CASD1: variants seen among roughly 807,000 people sequenced by gnomAD.
CASD1 encodes the protein N-acetylneuraminate (7)9-O-acetyltransferase.
Under a neutral mutation model 100.0 loss-of-function variants are expected in CASD1, and 41 were observed. The ratio of observed to expected loss-of-function variants is 0.41; its 90% CI spans 0.32 to 0.53. The LOEUF is 0.53. CASD1 is among the 20% of genes least tolerant of loss of function. CASD1 has a pLI of 0.25. For missense variants in CASD1, 774 were observed against 948.7 expected (o/e 0.82, Z 2.42); for synonymous variants, 321 against 315.6 (o/e 1.02, Z -0.18).
At chr7:94,531,446 T>A (rs762621892) in intron 5 of CASD1, among the ~76,000 whole-genome samples, 1 of 152,106 alleles carries the variant, frequency 6.6e-6, no homozygotes, top group Non-Finnish European at 1.5e-5. Flanking sequence ...CTATGAAGTT[T>A]GAGAATTAAA....
the CASD1 span, among the ~76,000 whole-genome samples, chr7:94,578,752 A>C: frequency 1.3e-5 from 2 of 152,132 alleles, no homozygotes; most frequent in African/African-American, 2.4e-5. Context: ...AAAAAATGTA[A>C]AGTTGCTAGA....
the CASD1 span, chr7:94,629,173 G>A: frequency 1.3e-5 from 2 of 152,032 alleles, no homozygotes; most frequent in East Asian, 3.8e-4. Context: ...TTAACTTGAT[G>A]GCATTTATGA....
chr7:94,561,519 T>G (rs1796339814), downstream of CASD1, among the ~76,000 whole-genome samples: 2 of 152,142 alleles, frequency 1.3e-5, no homozygotes, highest in South Asian at 4.1e-4. Flanking sequence ...TTTTCCAAAC[T>G]AAAATTAATT....
At chr7:94,614,107 CAAAAAAAAAAAAAA>C in the CASD1 span, among the ~76,000 whole-genome samples, 1 of 94,964 alleles carries the variant, frequency 1.1e-5, no homozygotes, top group Non-Finnish European at 2.0e-5. Flanking sequence ...AAATTGAAAT[CAAAAAAAAAAAAAA>C]AAAAAAAAAC....
Position 94,510,048 on chromosome 7 carries a change from C to T in CASD1, c.-37C>T. ...GCTGCCCCTGTGCGGCGCCCCTTTC[C>T]CGCTCCGCCGCGCACTGTTGTCATG... On this transcript the variant is annotated 5_prime_UTR_variant, in exon 1 of 18. Coordinates refer to ENST00000297273, the MANE Select transcript of CASD1 (RefSeq NM_022900.5). 6.8e-7 allele frequency: 1 copy of T among 1,474,956 alleles called. No individual in the cohort carries two copies. The highest frequency in any genetic ancestry group is 9.0e-7 in the Non-Finnish European group (1 of 1,105,108). The allele number at this position is 1,474,956 out of a possible 1,614,324, so 91.4% of individuals were successfully genotyped here.
the CASD1 span, among the ~76,000 whole-genome samples, chr7:94,609,962 C>T: frequency 6.6e-6 from 1 of 152,144 alleles, no homozygotes; most frequent in Admixed American, 6.5e-5. Context: ...ACCAAGATGT[C>T]CTCCAGTAGG....
chr7:94,597,408 ATTAT>A, the CASD1 span: 10 of 152,286 alleles, frequency 6.6e-5, no homozygotes, highest in Non-Finnish European at 1.3e-4. Flanking sequence ...TATATTAATT[ATTAT>A]TTAATCTTCA....
the CASD1 span, chr7:94,588,574 A>G: frequency 6.5e-7 from 1 of 1,539,670 alleles, no homozygotes; most frequent in African/African-American, 1.4e-5. Flanking sequence ...GGAATGACAC[A>G]AGTGTTTTGC....
the CASD1 span, chr7:94,623,609 T>C: frequency 2.0e-6 from 1 of 512,614 alleles, no homozygotes; most frequent in East Asian, 3.0e-5. Context: ...TTTAATATAC[T>C]GAAACAAAAA....
the CASD1 span, chr7:94,623,799 A>T: frequency 2.6e-6 from 1 of 378,932 alleles, no homozygotes; most frequent in Non-Finnish European, 4.7e-6. Flanking sequence ...TGAAAAGTAC[A>T]CTTTAAAACA....
chr7:94,623,207 T>G, the CASD1 span: 2 of 604,256 alleles, frequency 3.3e-6, no homozygotes, highest in Non-Finnish European at 5.8e-6. Context: ...TCTTATTATT[T>G]CATCAGTTAT....
the CASD1 span, among the ~76,000 whole-genome samples, chr7:94,615,368 AGATAGATAGAT>A: frequency 6.0e-4 from 1 of 1,662 alleles, no homozygotes; most frequent in Admixed American, 5.7e-3. Context: ...CAAAATAAAT[AGATAGATAGAT>A]AGATAGATAG....
chr7:94,521,943 G>A lies in CASD1; in HGVS notation c.351+3620G>A, dbSNP rs377616373. ...TACTAAAAACACAAAAAATTAGCTG[G>A]GCATGATGGTGGGCACCTGTAGTCC... is the stretch of plus-strand genomic sequence containing the variant. On this transcript the variant is annotated intron_variant, in intron 3 of 17. Transcript: ENST00000297273. 1.3e-4 allele frequency among the ~76,000 whole-genome samples: 20 copies of A among 152,250 alleles called. 2 individuals are homozygous for A. The South Asian group carries it at 3.7e-3, about 28-fold the overall frequency.
chr7:94,563,955 G>A, the CASD1 span, among the ~76,000 whole-genome samples: 2 of 152,098 alleles, frequency 1.3e-5, no homozygotes, highest in Non-Finnish European at 2.9e-5. Flanking sequence ...TCTAGAGTAC[G>A]CATGTCTCAC....
chr7:94,530,094 A>G (rs1156340143), intron 5 of CASD1, among the ~76,000 whole-genome samples: 1 of 152,188 alleles, frequency 6.6e-6, no homozygotes, highest in African/African-American at 2.4e-5. Context: ...ATACTTAAGC[A>G]ATGTGACAAG....
At chr7:94,575,434 T>C in the CASD1 span, among the ~76,000 whole-genome samples, 2 of 152,228 alleles carry the variant, frequency 1.3e-5, no homozygotes, top group South Asian at 2.1e-4. Flanking sequence ...TTTCCATTGT[T>C]TTGCATTTGC....
In CASD1 at chr7:94,535,318, A is replaced by G; in HGVS notation, c.638A>G (p.Tyr213Cys). The G allele has an allele frequency of 1.2e-6, 2 of 1,611,168 alleles. No homozygotes were observed. The highest frequency in any genetic ancestry group is 4.5e-5 in the East Asian group (2 of 44,738). ...DVYWVLQDPV[Y>C]EDLLSENRKM... is the part of the protein sequence containing the mutation. ...TGTGTCTCACGTGCAGATCCTGTTTATGAAGATCTATTAAGTGAAAATAGG... is the reference window on the plus strand; with the variant it reads ...TGTGTCTCACGTGCAGATCCTGTTTGTGAAGATCTATTAAGTGAAAATAGG... The change falls in exon 8 of 18, where the codon TAT (tyrosine) becomes TGT (cysteine). Residue 213 changes from tyrosine (Y) to cysteine (C), a missense_variant. Physicochemically the swap from Tyr to Cys is radical, Grantham distance 194. This residue lies in a region of CASD1 where 453 missense variants were observed against 532.6 expected (regional missense o/e 0.85). Transcript: ENST00000297273.
chr7:94,554,542 A>G lies in CASD1; in HGVS notation c.2094A>G (p.Ser698=), dbSNP rs779538754. Residue 698 remains serine, a synonymous_variant, in exon 17 of 18, where the codon TCA becomes TCG. Transcript: ENST00000297273. ...IPGYARSVYS[S]FFAWFGKISL... The stretch of plus-strand genomic sequence containing the variant: ...GATATGCCCGTTCAGTTTACAGTTC[A>G]TTTTTTGCTTGGTTTGGAAAAATTT... The G allele has an allele frequency of 6.2e-7, 1 of 1,611,980 alleles. No homozygotes were observed. The highest frequency in any genetic ancestry group is 2.2e-5 in the East Asian group (1 of 44,728).
the CASD1 span, among the ~76,000 whole-genome samples, chr7:94,612,984 C>G: frequency 6.6e-6 from 1 of 152,224 alleles, no homozygotes. Context: ...AACTGTAGTT[C>G]TAGTCACCAT....
Sources: gnomAD v4.1 joint callset for allele counts (sites outside exome capture counted in the v4.1 genomes callset) on GRCh38, gnomAD v4.1.1 for gene constraint, gnomAD v4.1.1 regional missense constraint, MANE v1.5 for transcripts, NCBI Gene and HGNC (gene_info 2026-07-23, HGNC 2026-07-21) for gene names.